Variants in TRAF3 observed in about 807,000 individuals in gnomAD.
TRAF3 encodes TNF receptor associated factor 3.
Under a neutral mutation model 62.3 loss-of-function variants are expected in TRAF3, and 13 were observed. The observed-to-expected ratio is 0.21, with a 90% CI of 0.14 to 0.33. The LOEUF is 0.33. Among genes scored for constraint, TRAF3 ranks in the 10% least tolerant of loss-of-function variants. The probability of loss-of-function intolerance (pLI) is 1.00; values close to 1 mark genes in which losing one functional copy is unlikely to be tolerated. For missense variants in TRAF3, 440 were observed against 741.8 expected (o/e 0.59, Z 4.73); for synonymous variants, 269 against 283.4 (o/e 0.95, Z 0.51).
chr14:102,879,529 G>T (rs373875575), intron 6 of TRAF3, among the ~76,000 whole-genome samples: 3 of 152,180 alleles, frequency 2.0e-5, no homozygotes, highest in African/African-American at 7.2e-5. Flanking sequence ...AAAGTGGTGG[G>T]ATTATAGGCG....
chr14:102,895,166 G>C (rs535206618), intron 9 of TRAF3: 1 of 454,720 alleles, frequency 2.2e-6, no homozygotes, highest in Non-Finnish European at 4.4e-6. Context: ...ACTACCACGC[G>C]ATGCTGCATA....
At chr14:102,780,207 G>A (rs1897217552) in intron 1 of TRAF3, among the ~76,000 whole-genome samples, 1 of 152,184 alleles carries the variant, frequency 6.6e-6, no homozygotes, top group Non-Finnish European at 1.5e-5. Flanking sequence ...GAATGAGGGA[G>A]GCCCAGACGC....
intron 1 of TRAF3, among the ~76,000 whole-genome samples, chr14:102,799,065 C>T (rs1456320547): frequency 2.0e-5 from 3 of 152,114 alleles, no homozygotes; most frequent in African/African-American, 7.2e-5. Context: ...GGGTGGTGAC[C>T]AGGCTGGGGT....
intron 1 of TRAF3, among the ~76,000 whole-genome samples, chr14:102,795,557 C>T (rs1197722696): frequency 1.4e-5 from 2 of 146,306 alleles, no homozygotes; most frequent in East Asian, 2.0e-4. Context: ...TATATATATA[C>T]ACACACATAT....
chr14:102,862,567 T>G (rs914047190), intron 2 of TRAF3, among the ~76,000 whole-genome samples: 5 of 152,224 alleles, frequency 3.3e-5, no homozygotes, highest in African/African-American at 1.2e-4. Flanking sequence ...TTCTACAGTT[T>G]GGCTACAGTG....
chr14:102,818,917 C>T (rs951939872), intron 1 of TRAF3, among the ~76,000 whole-genome samples: 2 of 152,040 alleles, frequency 1.3e-5, no homozygotes, highest in African/African-American at 4.8e-5. Context: ...CAAAACATCC[C>T]ATTGTATCTT....
At chr14:102,866,135 G>A (rs1280182056) in intron 2 of TRAF3, among the ~76,000 whole-genome samples, 1 of 152,182 alleles carries the variant, frequency 6.6e-6, no homozygotes, top group Non-Finnish European at 1.5e-5. Flanking sequence ...GCAGGGACAT[G>A]GATGAAGCTG....
rs1347289660 is a variant in TRAF3, at chr14:102,908,873, G to T, written c.*3089G>T. 1.3e-5 allele frequency: 2 copies of T among 152,302 alleles called. No homozygotes were observed. The highest frequency in any genetic ancestry group is 2.9e-5 in the Non-Finnish European group (2 of 68,078). 9.4% of individuals were successfully genotyped at this position (152,302 alleles called of 1,614,324 possible). On this transcript the variant is annotated 3_prime_UTR_variant, in exon 12 of 12. Transcript: ENST00000392745. ...GCCAGGCACGCTGGTTGGCTGGCCT[G>T]GGCCCGGCTCACGTGAAGGGCACTG...
intron 1 of TRAF3, among the ~76,000 whole-genome samples, chr14:102,778,100 G>GGGCC (rs1897106280): frequency 6.6e-6 from 1 of 150,514 alleles, no homozygotes; most frequent in Admixed American, 6.6e-5. Flanking sequence ...CGCGCTGCCC[G>GGGCC]GGCCGGCCGG....
At chr14:102,855,847 TTTGGGAGGCCAGG>T (rs1181173105) in intron 2 of TRAF3, among the ~76,000 whole-genome samples, 9 of 151,652 alleles carry the variant, frequency 5.9e-5, no homozygotes, top group African/African-American at 2.2e-4. Context: ...ATTCCAACAT[TTTGGGAGGCCAGG>T]GTGGGAGGAT....
chr14:102,832,198 A>G (rs1900731692), intron 2 of TRAF3, among the ~76,000 whole-genome samples: 1 of 152,250 alleles, frequency 6.6e-6, no homozygotes, highest in South Asian at 2.1e-4. Flanking sequence ...TAGCAAGTGT[A>G]AAGATAAACT....
chr14:102,789,510 C>T (rs977732345), intron 1 of TRAF3, among the ~76,000 whole-genome samples: 2 of 151,788 alleles, frequency 1.3e-5, no homozygotes, highest in Admixed American at 6.6e-5. Context: ...GGTAATGTGC[C>T]GACGTCATAA....
At chr14:102,889,782 A>G (rs117346533) in intron 8 of TRAF3, 148 bp downstream of exon 8, 2 of 952,050 alleles carry the variant, frequency 2.1e-6, no homozygotes, top group East Asian at 2.6e-5. Flanking sequence ...CGAAAGCCAC[A>G]TGCAGCAGGT....
intron 4 of TRAF3, 111 bp from the exon 5 acceptor site, chr14:102,875,513 A>C (rs1019438358): frequency 1.8e-5 from 16 of 869,406 alleles, no homozygotes; most frequent in Non-Finnish European, 2.7e-5. Flanking sequence ...AAGTTCACTT[A>C]AGAGTTCCTC....
intron 1 of TRAF3, among the ~76,000 whole-genome samples, chr14:102,783,854 T>C (rs1897364836): frequency 6.6e-6 from 1 of 152,172 alleles, no homozygotes; most frequent in Admixed American, 6.5e-5. Flanking sequence ...CCCCGCTGAA[T>C]TGATGTCCCT....
At position 102,850,417 on chromosome 14, in the gene TRAF3, C is replaced by T. The variant is rs542336799; in HGVS notation, c.-17-19768C>T. Among the ~76,000 whole-genome samples the T allele has an allele frequency of 2.6e-5, 4 of 152,126 alleles. No individual in the cohort carries two copies. The South Asian group carries it at 8.3e-4, about 32-fold the overall frequency. On this transcript the variant is annotated intron_variant, in intron 2 of 11. Coordinates refer to ENST00000392745, the MANE Select transcript of TRAF3 (RefSeq NM_145725.3). ...AAGACTGCAGAATAAGAATTGCAGG[C>T]CGAGCGTGCTGGCTCACACCTGTAA...
intron 8 of TRAF3, 27 bp downstream of exon 8, chr14:102,889,661 A>G (rs574139261): frequency 1.2e-6 from 2 of 1,610,678 alleles, no homozygotes; most frequent in African/African-American, 1.3e-5. Flanking sequence ...TGTCCTTCCC[A>G]GTCACTGACA....
intron 2 of TRAF3, among the ~76,000 whole-genome samples, chr14:102,830,925 A>G (rs949779012): frequency 6.6e-6 from 1 of 152,244 alleles, no homozygotes; most frequent in Non-Finnish European, 1.5e-5. Context: ...ACAAGTTGCA[A>G]CTTATTACAA....
chr14:102,792,141 A>G (rs1055048282), intron 1 of TRAF3, among the ~76,000 whole-genome samples: 1 of 15,886 alleles, frequency 6.3e-5, no homozygotes, highest in Admixed American at 5.5e-4. Flanking sequence ...TTTTTTTTTT[A>G]TCAGACCAGG....
Sources: allele counts gnomAD v4.1 joint callset (sites outside exome capture counted in the v4.1 genomes callset), GRCh38; gene constraint gnomAD v4.1.1; transcripts MANE v1.5; gene names NCBI Gene and HGNC (gene_info 2026-07-23, HGNC 2026-07-21).